Variants in OR51B5 observed in about 807,000 individuals in gnomAD.
The protein encoded by OR51B5 is olfactory receptor 51B5.
For missense variants in OR51B5, 456 were observed against 374.6 expected (o/e 1.22, Z -1.79); for synonymous variants, 186 against 144.8 (o/e 1.28, Z -2.04).
chr11:5,399,672 C>T (rs1361403402), intron 1 of OR51B5, among the ~76,000 whole-genome samples: 3 of 151,434 alleles, frequency 2.0e-5, no homozygotes, highest in Admixed American at 6.6e-5. Flanking sequence ...AAATCCTAAA[C>T]TCAGGAGAAT....
At chr11:5,439,392 C>A (rs932266916) in intron 1 of OR51B5, among the ~76,000 whole-genome samples, 7 of 152,168 alleles carry the variant, frequency 4.6e-5, no homozygotes, top group Non-Finnish European at 1.0e-4. Context: ...TTGTGATACA[C>A]TGAGTTTCCC....
At chr11:5,468,680 A>T (rs1053369339) in intron 1 of OR51B5, 7 of 456,582 alleles carry the variant, frequency 1.5e-5, no homozygotes, top group Non-Finnish European at 3.1e-5. Context: ...CACTGCATAG[A>T]TATGTGACAC....
chr11:5,486,107 T>C (rs1285173381), intron 1 of OR51B5, among the ~76,000 whole-genome samples: 3 of 144,018 alleles, frequency 2.1e-5, no homozygotes, highest in Admixed American at 7.2e-5. Flanking sequence ...ATATCAGACT[T>C]CCAGCCTCCA....
At chr11:5,470,898 A>G (rs970991411) in intron 1 of OR51B5, among the ~76,000 whole-genome samples, 46 of 152,350 alleles carry the variant, frequency 3.0e-4, no homozygotes, top group South Asian at 2.1e-4. Flanking sequence ...CATTCGACAC[A>G]AAGCAACCAA....
intron 1 of OR51B5, among the ~76,000 whole-genome samples, chr11:5,452,083 T>A (rs1850861263): frequency 6.6e-6 from 1 of 152,198 alleles, no homozygotes; most frequent in East Asian, 1.9e-4. Context: ...TCCCCAAGCA[T>A]GTAGATAGAA....
At chr11:5,410,869 A>C (rs952841677) in intron 1 of OR51B5, among the ~76,000 whole-genome samples, 2 of 152,222 alleles carry the variant, frequency 1.3e-5, no homozygotes, top group African/African-American at 4.8e-5. Context: ...AATTTTAAAA[A>C]TAAAAAATGT....
At chr11:5,412,814 A>T (rs1850170578) in intron 1 of OR51B5, among the ~76,000 whole-genome samples, 1 of 152,008 alleles carries the variant, frequency 6.6e-6, no homozygotes, top group African/African-American at 2.4e-5. Context: ...GGAGCCCACC[A>T]CAGCTCAAGG....
At chr11:5,423,089 A>T in intron 1 of OR51B5, 9 of 1,613,130 alleles carry the variant, frequency 5.6e-6, no homozygotes, top group Non-Finnish European at 7.6e-6. Flanking sequence ...TTACAGTGTA[A>T]AGAACAAGCA....
chr11:5,351,741 A>G (rs142889681), intron 1 of OR51B5: 5 of 1,613,904 alleles, frequency 3.1e-6, no homozygotes, highest in Non-Finnish European at 4.2e-6. Flanking sequence ...CAATGCCCAC[A>G]GTGCTAGGTG....
intron 1 of OR51B5, among the ~76,000 whole-genome samples, chr11:5,372,093 A>T (rs1056540268): frequency 2.0e-5 from 3 of 152,140 alleles, no homozygotes; most frequent in African/African-American, 7.2e-5. Flanking sequence ...TAATATTGTG[A>T]TATCATACAT....
At chr11:5,454,651 G>C in intron 1 of OR51B5, 1 of 384,108 alleles carries the variant, frequency 2.6e-6, no homozygotes. Flanking sequence ...GGGCAATTGA[G>C]TAATTAGACA....
chr11:5,367,488 T>C (rs1436603447), intron 1 of OR51B5, among the ~76,000 whole-genome samples: 1 of 152,208 alleles, frequency 6.6e-6, no homozygotes, highest in Non-Finnish European at 1.5e-5. Flanking sequence ...CTTCCTGATG[T>C]TGCCATGGCA....
chr11:5,369,026 G>C (rs978814480), intron 1 of OR51B5, among the ~76,000 whole-genome samples: 5 of 152,116 alleles, frequency 3.3e-5, no homozygotes, highest in Non-Finnish European at 7.4e-5. Flanking sequence ...GCCTCCTTCT[G>C]GGACTAGATA....
At chr11:5,405,367 AT>A (rs574954445) in intron 1 of OR51B5, among the ~76,000 whole-genome samples, 43 of 152,272 alleles carry the variant, frequency 2.8e-4, no homozygotes, top group African/African-American at 9.1e-4. Context: ...TAATGCCTAA[AT>A]TATGTCAACT....
intron 1 of OR51B5, chr11:5,454,146 C>T (rs1317147328): frequency 1.2e-6 from 2 of 1,614,174 alleles, no homozygotes; most frequent in Non-Finnish European, 1.7e-6. Context: ...CTCCTATGTG[C>T]TCATTCTGCG....
chr11:5,341,659 A>G (rs1180131689), downstream of OR51B5, among the ~76,000 whole-genome samples: 1 of 152,220 alleles, frequency 6.6e-6, no homozygotes, highest in Admixed American at 6.5e-5. Context: ...ACATGGAATC[A>G]GAATGTATGT....
At chr11:5,370,942 C>G (rs983892686) in intron 1 of OR51B5, among the ~76,000 whole-genome samples, 3 of 152,154 alleles carry the variant, frequency 2.0e-5, no homozygotes, top group African/African-American at 7.2e-5. Flanking sequence ...TCCTGGAGCT[C>G]TGGTTCAATG....
chr11:5,363,768 A>G (rs1778219355), intron 1 of OR51B5, among the ~76,000 whole-genome samples: 1 of 152,126 alleles, frequency 6.6e-6, no homozygotes, highest in Non-Finnish European at 1.5e-5. Flanking sequence ...TTTCATGAGG[A>G]TTCTATTAAA....
At chr11:5,443,973 A>T (rs1281224161) in intron 1 of OR51B5, among the ~76,000 whole-genome samples, 1 of 152,042 alleles carries the variant, frequency 6.6e-6, no homozygotes, top group East Asian at 1.9e-4. Flanking sequence ...ACACATACAC[A>T]CAAACTATCA....
Sources: gnomAD v4.1 joint callset for allele counts (sites outside exome capture counted in the v4.1 genomes callset) on GRCh38, gnomAD v4.1.1 for gene constraint, MANE v1.5 for transcripts, NCBI Gene and HGNC (gene_info 2026-07-23, HGNC 2026-07-21) for gene names.